FAM222B: variants seen among roughly 807,000 people sequenced by gnomAD.
The protein encoded by FAM222B is family with sequence similarity 222 member B.
Under a neutral mutation model 38.0 loss-of-function variants are expected in FAM222B, and 12 were observed. The ratio of observed to expected loss-of-function variants is 0.32; its 90% CI spans 0.20 to 0.51. The LOEUF (loss-of-function observed/expected upper bound fraction) is 0.51. FAM222B is among the 20% of genes least tolerant of loss of function. The pLI is 0.97. For synonymous variants in FAM222B, 329 were observed against 317.2 expected (o/e 1.04, Z -0.40); for missense variants, 716 against 754.2 (o/e 0.95, Z 0.59).
At chr17:28,841,800 G>A (rs1027969318) in intron 1 of FAM222B, among the ~76,000 whole-genome samples, 1 of 152,170 alleles carries the variant, frequency 6.6e-6, no homozygotes, top group East Asian at 1.9e-4. Flanking sequence ...CAAACCGTTT[G>A]TAAAAACGCC....
At chr17:28,842,997 G>A (rs1232602676), upstream of FAM222B, among the ~76,000 whole-genome samples, 1 of 152,170 alleles carries the variant, frequency 6.6e-6, no homozygotes, top group Non-Finnish European at 1.5e-5. Flanking sequence ...CTGGAGTACC[G>A]TGCCTAGGTT....
At chr17:28,836,001 T>A (rs1236586742) in intron 1 of FAM222B, among the ~76,000 whole-genome samples, 1 of 150,720 alleles carries the variant, frequency 6.6e-6, no homozygotes, top group Non-Finnish European at 1.5e-5. Context: ...TTATTATATA[T>A]TTTTTTCAGA....
At chr17:28,832,093 G>C (rs1358242803) in intron 1 of FAM222B, among the ~76,000 whole-genome samples, 1 of 152,136 alleles carries the variant, frequency 6.6e-6, no homozygotes, top group Non-Finnish European at 1.5e-5. Flanking sequence ...AGGAGGCTGA[G>C]GCAGAAGAAA....
chr17:28,816,288 A>T (rs1221698768), intron 1 of FAM222B, among the ~76,000 whole-genome samples: 2 of 152,154 alleles, frequency 1.3e-5, no homozygotes, highest in Non-Finnish European at 2.9e-5. Flanking sequence ...ATAAATAAGT[A>T]AATAAAAAGC....
intron 1 of FAM222B, 78 bp from the exon 2 acceptor site, chr17:28,766,785 G>T: frequency 1.3e-6 from 1 of 783,710 alleles, no homozygotes; most frequent in Non-Finnish European, 2.1e-6. Flanking sequence ...GGATATGACT[G>T]GCGTGAGGCC....
chr17:28,767,869 C>T (rs2035417740), intron 1 of FAM222B, among the ~76,000 whole-genome samples: 1 of 152,158 alleles, frequency 6.6e-6, no homozygotes, highest in Non-Finnish European at 1.5e-5. Flanking sequence ...TGGGGCTTCA[C>T]CCTTCCTGAC....
intron 1 of FAM222B, chr17:28,812,560 A>C (rs562454895): frequency 2.0e-5 from 3 of 152,372 alleles, no homozygotes; most frequent in African/African-American, 7.2e-5. Flanking sequence ...GCGACTCGCC[A>C]AACAGCCAAC....
intron 1 of FAM222B, among the ~76,000 whole-genome samples, chr17:28,840,136 G>A (rs1468885446): frequency 1.3e-5 from 2 of 152,066 alleles, no homozygotes; most frequent in African/African-American, 4.8e-5. Context: ...AGCACTTTGG[G>A]AGGCCGAGGC....
intron 1 of FAM222B, among the ~76,000 whole-genome samples, chr17:28,848,403 A>G (rs2039159712): frequency 6.6e-6 from 1 of 152,038 alleles, no homozygotes; most frequent in Admixed American, 6.6e-5. Flanking sequence ...ATGGATAACT[A>G]TATTGTATAT....
At chr17:28,824,343 CCTGG>C (rs1300491290) in intron 1 of FAM222B, among the ~76,000 whole-genome samples, 1 of 148,294 alleles carries the variant, frequency 6.7e-6, no homozygotes, top group African/African-American at 2.5e-5. Flanking sequence ...TACTACCACA[CCTGG>C]CTAATTTTCT....
At chr17:28,796,264 G>C (rs1007201179) in intron 1 of FAM222B, among the ~76,000 whole-genome samples, 5 of 152,214 alleles carry the variant, frequency 3.3e-5, no homozygotes, top group Non-Finnish European at 7.3e-5. Context: ...AACTGGCAAA[G>C]AGCCCATTCC....
chr17:28,816,631 TA>T (rs578229698), intron 1 of FAM222B, among the ~76,000 whole-genome samples: 1 of 149,482 alleles, frequency 6.7e-6, no homozygotes, highest in Admixed American at 6.7e-5. Flanking sequence ...TAGAACGGAA[TA>T]AAAAAAACAA....
chr17:28,813,816 T>C (rs1319837488), intron 1 of FAM222B, among the ~76,000 whole-genome samples: 5 of 151,356 alleles, frequency 3.3e-5, no homozygotes, highest in South Asian at 4.3e-4. Context: ...AAAGTGCTGG[T>C]ATTACAGGCG....
chr17:28,815,747 G>A (rs771242285), intron 1 of FAM222B, among the ~76,000 whole-genome samples: 35 of 152,092 alleles, frequency 2.3e-4, no homozygotes, highest in Admixed American at 2.2e-3. Flanking sequence ...GGCAGATCTC[G>A]AGGTCAGGAG....
chr17:28,791,382 T>C (rs1015694139), intron 1 of FAM222B, among the ~76,000 whole-genome samples: 2 of 152,096 alleles, frequency 1.3e-5, no homozygotes, highest in Non-Finnish European at 2.9e-5. Flanking sequence ...ATAGGTTTCC[T>C]GTATCTTTCT....
intron 1 of FAM222B, among the ~76,000 whole-genome samples, chr17:28,786,340 T>A (rs2036411280): frequency 6.6e-6 from 1 of 152,128 alleles, no homozygotes; most frequent in Non-Finnish European, 1.5e-5. Context: ...GCTGGGAAAA[T>A]GACTATACAT....
chr17:28,796,642 CTTCTT>C (rs1202760130), intron 1 of FAM222B, among the ~76,000 whole-genome samples: 3 of 151,944 alleles, frequency 2.0e-5, no homozygotes, highest in Non-Finnish European at 4.4e-5. Context: ...AACAATTTAT[CTTCTT>C]TTAACAAAAT....
intron 1 of FAM222B, among the ~76,000 whole-genome samples, chr17:28,790,915 T>TTTTTTTTTTTTA (rs752443903): frequency 9.9e-5 from 12 of 121,084 alleles, no homozygotes; most frequent in African/African-American, 1.6e-4. Context: ...TTTTTTTTTT[T>TTTTTTTTTTTTA]AGAGACAGAA....
intron 1 of FAM222B, among the ~76,000 whole-genome samples, chr17:28,823,143 T>C (rs1352419861): frequency 6.6e-6 from 1 of 151,386 alleles, no homozygotes; most frequent in Non-Finnish European, 1.5e-5. Context: ...GGAAACTGGG[T>C]GCCAAAACCT....
Sources: allele counts gnomAD v4.1 joint callset (sites outside exome capture counted in the v4.1 genomes callset), GRCh38; gene constraint gnomAD v4.1.1; transcripts MANE v1.5; gene names NCBI Gene and HGNC (gene_info 2026-07-23, HGNC 2026-07-21).